The following LCP2 variants were observed in gnomAD, a reference collection of about 807,000 sequenced individuals.
The protein encoded by LCP2 is 76 kDa tyrosine phosphoprotein.
Under a neutral mutation model 74.5 loss-of-function variants are expected in LCP2, and 29 were observed. That is an observed-to-expected ratio of 0.39 (90% confidence interval 0.29 to 0.53). LCP2 has a LOEUF of 0.53. Ranked by LOEUF, LCP2 falls within the 20% of genes least tolerant of loss-of-function variation. LCP2 has a pLI of 0.72. For synonymous variants in LCP2, 228 were observed against 229.5 expected (o/e 0.99, Z 0.06); for missense variants, 604 against 634.6 (o/e 0.95, Z 0.52).
chr5:170,295,113 G>A (rs1415563536), intron 1 of LCP2, among the ~76,000 whole-genome samples: 1 of 152,188 alleles, frequency 6.6e-6, no homozygotes, highest in East Asian at 1.9e-4. Flanking sequence ...GACCCCACCT[G>A]GGATTAGGAC....
Position 170,275,323 on chromosome 5 carries a change from T to C in LCP2, c.283A>G (p.Thr95Ala). Residue 95 changes from threonine (T) to alanine (A), a missense_variant, in exon 5 of 21, where the codon ACA becomes GCA. Transcript: ENST00000046794. ...KPQVPRFPEE[T>A]ESHEEDNGGW... The stretch of plus-strand genomic sequence containing the variant: ...CTCTGAGCCCTGAGAGCTTTACCTG[T>C]CTCTTCAGGAAACCGCGGGACTTGG... 2 of 1,613,968 alleles carry C rather than the reference T, an allele frequency of 1.2e-6. No homozygotes were observed. The highest frequency in any genetic ancestry group is 2.2e-5 in the East Asian group (1 of 44,878).
At position 170,290,994 on chromosome 5, in the gene LCP2, AAGAAAG is replaced by A. The variant is rs762494642; in HGVS notation, c.141+2310_141+2315del. On this transcript the variant is annotated intron_variant, in intron 2 of 20. Coordinates refer to ENST00000046794, the MANE Select transcript of LCP2 (RefSeq NM_005565.5). ...AAAGAAAGAAAGAAAGAAAGAAAGA[AAGAAAG>A]AGAGAAAGAAAGAGAGAAAGAAAGA... 6.6e-4 allele frequency among the ~76,000 whole-genome samples: 50 copies of A among 75,956 alleles called. No homozygotes were observed. In the East Asian group the frequency reaches 0.01, roughly 16 times the overall value. 49.8% of individuals were successfully genotyped at this position (75,956 alleles called of 152,430 possible).
chr5:170,291,671 T>C (rs961587165), intron 2 of LCP2, among the ~76,000 whole-genome samples: 1 of 152,192 alleles, frequency 6.6e-6, no homozygotes, highest in African/African-American at 2.4e-5. Context: ...TCACCCACTA[T>C]GACCCAGTCC....
At chr5:170,266,258 A>C (rs1224700604) in intron 10 of LCP2, among the ~76,000 whole-genome samples, 1 of 152,222 alleles carries the variant, frequency 6.6e-6, no homozygotes, top group East Asian at 1.9e-4. Context: ...TCAATTGCAT[A>C]CCTAAAACAA....
intron 2 of LCP2, among the ~76,000 whole-genome samples, chr5:170,289,641 CTTTCTTTCTTTCTTTCTTTCTTTCTT>C: frequency 4.6e-5 from 5 of 108,890 alleles, no homozygotes; most frequent in African/African-American, 2.0e-4. Context: ...TTCTTTCTTT[CTTTCTTTCTTTCTTTCTTTCTTTCTT>C]TCTTTCTCTC....
intron 3 of LCP2, among the ~76,000 whole-genome samples, chr5:170,282,049 AT>A (rs1175431940): frequency 1.3e-5 from 2 of 151,888 alleles, no homozygotes; most frequent in African/African-American, 2.4e-5. Context: ...GGGAGCCTTC[AT>A]TTTTTTTCTT....
intron 20 of LCP2, among the ~76,000 whole-genome samples, chr5:170,250,511 A>T (rs189557909): frequency 1.1e-3 from 163 of 152,328 alleles, no homozygotes; most frequent in Non-Finnish European, 1.4e-3. Context: ...TATACATGTG[A>T]TTATTTGAAA....
At chr5:170,291,210 GAAGGAAGGAAGGAAGA>G (rs1762290318) in intron 2 of LCP2, among the ~76,000 whole-genome samples, 1 of 148,274 alleles carries the variant, frequency 6.7e-6, no homozygotes, top group South Asian at 2.1e-4. Context: ...AGGAAGGAAG[GAAGGAAGGAAGGAAGA>G]AAGGAAGGAA....
At chr5:170,289,675 C>CTT (rs1762251739) in intron 2 of LCP2, among the ~76,000 whole-genome samples, 8 of 113,410 alleles carry the variant, frequency 7.1e-5, no homozygotes, top group East Asian at 6.9e-4. Flanking sequence ...CTTTCTTTCT[C>CTT]TCTCTCTCTC....
intron 3 of LCP2, among the ~76,000 whole-genome samples, chr5:170,286,285 C>T (rs747496905): frequency 2.0e-5 from 3 of 152,134 alleles, no homozygotes; most frequent in Non-Finnish European, 4.4e-5. Flanking sequence ...GAATATAAGC[C>T]CTCAATTGCC....
intron 5 of LCP2, 108 bp downstream of exon 5, chr5:170,275,212 G>A: frequency 8.3e-7 from 1 of 1,207,170 alleles, no homozygotes; most frequent in South Asian, 1.2e-5. Context: ...AGACAAGTCA[G>A]TAAGGTCACC....
intron 6 of LCP2, among the ~76,000 whole-genome samples, chr5:170,273,277 C>A (rs1447823381): frequency 1.3e-5 from 2 of 152,192 alleles, no homozygotes; most frequent in Admixed American, 1.3e-4. Flanking sequence ...GGCTGCATGG[C>A]AAGGATTCTG....
At chr5:170,281,802 C>G (rs1025962204) in intron 3 of LCP2, among the ~76,000 whole-genome samples, 2 of 152,208 alleles carry the variant, frequency 1.3e-5, no homozygotes, top group African/African-American at 4.8e-5. Flanking sequence ...GTAATGGCTA[C>G]AGGGATAACC....
At chr5:170,291,855 T>C (rs184848539) in intron 2 of LCP2, among the ~76,000 whole-genome samples, 7 of 152,352 alleles carry the variant, frequency 4.6e-5, no homozygotes, top group Admixed American at 3.9e-4. Flanking sequence ...CAGAATGAAA[T>C]ATTTGGGTTT....
intron 3 of LCP2, among the ~76,000 whole-genome samples, chr5:170,283,956 C>T (rs1383901970): frequency 1.3e-5 from 2 of 152,192 alleles, no homozygotes; most frequent in Admixed American, 1.3e-4. Context: ...TGTACCATTG[C>T]ACTGTTGTAA....
chr5:170,285,888 C>G (rs1382514317), intron 3 of LCP2, among the ~76,000 whole-genome samples: 2 of 152,200 alleles, frequency 1.3e-5, no homozygotes. Context: ...CCTGGACTCT[C>G]CGCTGCCTCC....
At chr5:170,272,592 A>ATTTTATT (rs1761913090) in intron 6 of LCP2, among the ~76,000 whole-genome samples, 1 of 34,312 alleles carries the variant, frequency 2.9e-5, no homozygotes, top group Non-Finnish European at 6.8e-5. Context: ...CCCATCAAAT[A>ATTTTATT]TTTTCTTTTT....
intron 3 of LCP2, 121 bp downstream of exon 3, chr5:170,287,849 T>C: frequency 2.2e-6 from 2 of 905,140 alleles, no homozygotes; most frequent in East Asian, 5.0e-5. Context: ...GCCCTCATCC[T>C]TCCTACTTGC....
At chr5:170,275,919 C>T (rs1561973867) in intron 3 of LCP2, 59 bp from the exon 4 acceptor site, 2 of 1,441,654 alleles carry the variant, frequency 1.4e-6, no homozygotes, top group Non-Finnish European at 1.9e-6. Context: ...AACCTTCCCC[C>T]TGACCCTTGA....
Sources: gnomAD v4.1 joint callset for allele counts (sites outside exome capture counted in the v4.1 genomes callset) on GRCh38, gnomAD v4.1.1 for gene constraint, MANE v1.5 for transcripts, NCBI Gene and HGNC (gene_info 2026-07-23, HGNC 2026-07-21) for gene names.